The following TAS2R40 variants were observed in gnomAD, a reference collection of about 807,000 sequenced individuals.
TAS2R40 encodes taste receptor type 2 member 40.
TAS2R40 carries 14 observed loss-of-function variants against 16.5 expected under a neutral mutation model. The ratio of observed to expected loss-of-function variants is 0.85; its 90% confidence interval spans 0.56 to 1.32. The LOEUF is 1.32. Among genes scored for constraint, TAS2R40 ranks in the 40% most tolerant of loss-of-function variants. TAS2R40 has a pLI of 0.00. For synonymous variants in TAS2R40, 152 were observed against 150.2 expected, an observed-to-expected ratio of 1.01 and a Z score of -0.09; for missense variants, 350 against 385.9, an observed-to-expected ratio of 0.91 and a Z score of 0.78.
At position 143,222,978 on chromosome 7, in the gene TAS2R40, C is replaced by A. The variant is rs751095334; in HGVS notation, c.900C>A (p.Asn300Lys). The change falls in exon 1 of 1, where the codon AAC becomes AAA. Residue 300 changes from asparagine to lysine, a missense_variant. Physicochemically the swap from Asn to Lys is moderately conservative, Grantham distance 94. Transcript: ENST00000408947. ...ACTCAGTACAACTGATCTTGGGCAA[C>A]CCTGGGCTGAGAAGAGCCTGGAAGC... ...AGHSVQLILG[N>K]PGLRRAWKRF... The A allele has an allele frequency of 1.9e-6, 3 of 1,614,146 alleles. No individual in the cohort carries two copies. Among genetic ancestry groups the A allele is most frequent in the South Asian group, 1.1e-5 (1 of 91,078 alleles).
Position 143,222,779 on chromosome 7 carries a change from C to T in TAS2R40, c.701C>T (p.Ser234Phe). 4 of 1,614,192 alleles carry T rather than the reference C, an allele frequency of 2.5e-6. No homozygotes were observed. Among genetic ancestry groups the T allele is most frequent in the Non-Finnish European group, 3.4e-6 (4 of 1,180,036 alleles). ...CACATGGGAAGCAATGCCACAGGGT[C>T]CAGGGACCCCAGCATGAAGGCTCAC... ...TLHMGSNATG[S>F]RDPSMKAHIG... The change falls in exon 1 of 1, where the codon TCC becomes TTC. Residue 234 changes from serine (S) to phenylalanine (F), a missense_variant. Physicochemically the swap from Ser to Phe is radical, Grantham distance 155. Coordinates refer to ENST00000408947, the MANE Select transcript of TAS2R40 (RefSeq NM_176882.2).
chr7:143,223,075 A>T lies in TAS2R40; in HGVS notation c.*25A>T. The stretch of plus-strand genomic sequence containing the variant: ...ACTGGAACTCACGGAGTTCTGCGGG[A>T]CCTGGTCCAACCACTTCTGCCTTTG... On this transcript the variant is annotated 3_prime_UTR_variant, in exon 1 of 1. Coordinates refer to ENST00000408947, the MANE Select transcript of TAS2R40 (RefSeq NM_176882.2). The T allele has an allele frequency of 6.4e-7, 1 of 1,565,130 alleles. No homozygotes were observed. The highest frequency in any genetic ancestry group is 8.6e-7 in the Non-Finnish European group (1 of 1,156,548).
Position 143,223,077 on chromosome 7 carries a change from C to T in TAS2R40, c.*27C>T, listed in dbSNP as rs1325787719. 12 of 1,565,066 alleles carry T rather than the reference C, an allele frequency of 7.7e-6. No individual in the cohort carries two copies. Among genetic ancestry groups the T allele is most frequent in the Middle Eastern group, 1.7e-4 (1 of 5,800 alleles). ...TGGAACTCACGGAGTTCTGCGGGAC[C>T]TGGTCCAACCACTTCTGCCTTTGCC... On this transcript the variant is annotated 3_prime_UTR_variant, in exon 1 of 1. Coordinates refer to ENST00000408947, the MANE Select transcript of TAS2R40 (RefSeq NM_176882.2).
Position 143,222,434 on chromosome 7 carries a change from A to C in TAS2R40, c.356A>C (p.Tyr119Ser), listed in dbSNP as rs760898826. 20 of 1,614,140 alleles carry C rather than the reference A, an allele frequency of 1.2e-5. No homozygotes were observed. The highest frequency in any genetic ancestry group is 1.6e-5 in the Non-Finnish European group (19 of 1,180,024). ...TTTGCTGCCTGGCTCAAAGTCTTCT[A>C]TTGTCTTAGAATTGCAAACTTCAAT... is the stretch of plus-strand genomic sequence containing the variant. ...LWFAAWLKVF[Y>S]CLRIANFNHP... is the part of the protein sequence containing the mutation. The change falls in exon 1 of 1, where the codon TAT (tyrosine) becomes TCT (serine). Residue 119 changes from tyrosine to serine, a missense_variant. By Grantham distance (144) the Tyr-to-Ser change is moderately radical. Coordinates refer to ENST00000408947, the MANE Select transcript of TAS2R40 (RefSeq NM_176882.2).
At position 143,222,262 on chromosome 7, in the gene TAS2R40, A is replaced by C; in HGVS notation, c.184A>C (p.Met62Leu). The C allele has an allele frequency of 6.2e-7, 1 of 1,614,180 alleles. No individual in the cohort carries two copies. Among genetic ancestry groups the C allele is most frequent in the Non-Finnish European group, 8.5e-7 (1 of 1,180,024 alleles). Residue 62 changes from methionine (M) to leucine (L), a missense_variant, in exon 1 of 1, where the codon ATG (methionine) becomes CTG (leucine). Coordinates refer to ENST00000408947, the MANE Select transcript of TAS2R40 (RefSeq NM_176882.2). ...CCCCACTGGTGACCGCATTATGTTG[A>C]TGCTGAGCTTTTCCAGGCTCTTGCT... is the stretch of plus-strand genomic sequence containing the variant. ...TLPTGDRIML[M>L]LSFSRLLLQI...
Position 143,223,039 on chromosome 7 carries a change from C to T in TAS2R40, c.961C>T (p.Gln321Ter). The T allele has an allele frequency of 2.5e-6, 4 of 1,604,130 alleles. No individual in the cohort carries two copies. In the South Asian group the frequency reaches 4.5e-5, roughly 18 times the overall value. Residue 321 changes from glutamine to a stop codon, truncating the protein, a stop_gained, in exon 1 of 1, where the codon CAG (glutamine) becomes TAG (stop). Transcript: ENST00000408947. LOFTEE classifies it high-confidence loss of function. Reference protein sequence around the residue: ...QHQVPLYLKGQTL With the variant: ...QHQVPLYLKG The stretch of plus-strand genomic sequence containing the variant: ...CCAAGTTCCTCTTTACCTAAAAGGG[C>T]AGACTCTGTGACTGGAACTCACGGA...
rs1344786302 is a variant in TAS2R40, at chr7:143,222,603, C to T, written c.525C>T (p.Ile175=). 3 of 1,614,116 alleles carry T rather than the reference C, an allele frequency of 1.9e-6. No homozygotes were observed. Among genetic ancestry groups the T allele is most frequent in the Non-Finnish European group, 2.5e-6 (3 of 1,180,020 alleles). The stretch of plus-strand genomic sequence containing the variant: ...TGTATGTGAATAGCTCCATTCCTAT[C>T]CCCTCCTCCAACTCCACGGAGAAGA... The part of the protein sequence containing the change: ...FNVYVNSSIP[I]PSSNSTEKKY... Residue 175 remains isoleucine (I), a synonymous_variant, in exon 1 of 1, where the codon ATC becomes ATT. Transcript: ENST00000408947.
In TAS2R40 at chr7:143,222,198, G is replaced by A. The variant is rs762449538; in HGVS notation, c.120G>A (p.Thr40=). The A allele has an allele frequency of 2.0e-5, 33 of 1,614,152 alleles. No individual in the cohort carries two copies. The East Asian group carries it at 2.7e-4, about 13-fold the overall frequency. Residue 40 remains threonine (T), a synonymous_variant, in exon 1 of 1, where the codon ACG becomes ACA. Coordinates refer to ENST00000408947, the MANE Select transcript of TAS2R40 (RefSeq NM_176882.2). The part of the protein sequence containing the change: ...ITGILGSGFI[T]AIYGAEWARG... Reference sequence around the variant, plus strand: ...GCATCCTTGGGAGTGGCTTCATCACGGCCATCTATGGGGCTGAGTGGGCCA... The same window carrying A: ...GCATCCTTGGGAGTGGCTTCATCACAGCCATCTATGGGGCTGAGTGGGCCA...
In TAS2R40 at chr7:143,222,642, G is replaced by A. The variant is rs1800249884; in HGVS notation, c.564G>A (p.Glu188=). The A allele has an allele frequency of 6.2e-7, 1 of 1,614,082 alleles. No individual in the cohort carries two copies. The highest frequency in any genetic ancestry group is 8.5e-7 in the Non-Finnish European group (1 of 1,180,000). ...CCACGGAGAAGAAGTACTTCTCTGAGACCAATATGGTCAACCTGGTATTTT... is the reference window on the plus strand; with the variant it reads ...CCACGGAGAAGAAGTACTTCTCTGAAACCAATATGGTCAACCTGGTATTTT... ...SNSTEKKYFS[E]TNMVNLVFFY... Residue 188 remains glutamate (E), a synonymous_variant, in exon 1 of 1, where the codon GAG becomes GAA. Transcript: ENST00000408947.
Position 143,222,876 on chromosome 7 carries a change from C to T in TAS2R40, c.798C>T (p.Ser266=), listed in dbSNP as rs758507415. The part of the protein sequence containing the change: ...YIFNAIALFL[S]TSNIFDTYSS... ...TCAATGCAATTGCTCTATTTCTTTC[C>T]ACGTCCAACATCTTTGACACTTACA... The change falls in exon 1 of 1, where the codon TCC becomes TCT. Residue 266 remains serine, a synonymous_variant. Coordinates refer to ENST00000408947, the MANE Select transcript of TAS2R40 (RefSeq NM_176882.2). 19 of 1,614,102 alleles carry T rather than the reference C, an allele frequency of 1.2e-5. No individual in the cohort carries two copies. Among genetic ancestry groups the T allele is most frequent in the Non-Finnish European group, 1.6e-5 (19 of 1,180,060 alleles).
In TAS2R40 at chr7:143,222,528, G is replaced by A; in HGVS notation, c.450G>A (p.Val150=). The change falls in exon 1 of 1, where the codon GTG becomes GTA. Residue 150 remains valine, a synonymous_variant. Coordinates refer to ENST00000408947, the MANE Select transcript of TAS2R40 (RefSeq NM_176882.2). ...TGCCTTGGCTTCTCAGGCTGTCAGT[G>A]TTGGTTTCCTTAAGCTTCAGCTTTC... ...VLMPWLLRLS[V]LVSLSFSFPL... The A allele has an allele frequency of 6.2e-7, 1 of 1,614,170 alleles. No individual in the cohort carries two copies. The highest frequency in any genetic ancestry group is 8.5e-7 in the Non-Finnish European group (1 of 1,180,032).
rs866076173 is a variant in TAS2R40, at chr7:143,222,994, G to T, written c.916G>T (p.Ala306Ser). 5.6e-6 allele frequency: 9 copies of T among 1,613,644 alleles called. No individual in the cohort carries two copies. The highest frequency in any genetic ancestry group is 1.7e-5 in the Admixed American group (1 of 59,900). The change falls in exon 1 of 1, where the codon GCC (alanine) becomes TCC (serine). Residue 306 changes from alanine to serine, a missense_variant. Ala to Ser is a moderately conservative substitution (Grantham distance 99, BLOSUM62 1). Coordinates refer to ENST00000408947, the MANE Select transcript of TAS2R40 (RefSeq NM_176882.2). ...LILGNPGLRRAWKRFQHQVPL... is the reference protein window; with the variant it reads ...LILGNPGLRRSWKRFQHQVPL... ...CTTGGGCAACCCTGGGCTGAGAAGA[G>T]CCTGGAAGCGGTTTCAGCACCAAGT... is the stretch of plus-strand genomic sequence containing the variant.
Position 143,223,038 on chromosome 7 carries a change from G to T in TAS2R40, c.960G>T (p.Gly320=). Residue 320 remains glycine, a synonymous_variant, in exon 1 of 1, where the codon GGG becomes GGT. Coordinates refer to ENST00000408947, the MANE Select transcript of TAS2R40 (RefSeq NM_176882.2). ...ACCAAGTTCCTCTTTACCTAAAAGG[G>T]CAGACTCTGTGACTGGAACTCACGG... ...FQHQVPLYLK[G]QTL is the part of the protein sequence containing the mutation. The T allele has an allele frequency of 6.2e-7, 1 of 1,604,624 alleles. No homozygotes were observed. Among genetic ancestry groups the T allele is most frequent in the Non-Finnish European group, 8.5e-7 (1 of 1,174,834 alleles).
At position 143,222,696 on chromosome 7, in the gene TAS2R40, G is replaced by C. The variant is rs775466420; in HGVS notation, c.618G>C (p.Leu206=). ...FFYNMGIFVP[L]IMFILAATLL... is the part of the protein sequence containing the mutation. Reference sequence around the variant, plus strand: ...ATAACATGGGGATCTTCGTTCCTCTGATCATGTTCATCCTGGCAGCCACCC... The same window carrying C: ...ATAACATGGGGATCTTCGTTCCTCTCATCATGTTCATCCTGGCAGCCACCC... The change falls in exon 1 of 1, where the codon CTG becomes CTC. Residue 206 remains leucine, a synonymous_variant. Transcript: ENST00000408947. 1.9e-6 allele frequency: 3 copies of C among 1,614,072 alleles called. No homozygotes were observed. The highest frequency in any genetic ancestry group is 1.7e-6 in the Non-Finnish European group (2 of 1,180,016).
At position 143,222,180 on chromosome 7, in the gene TAS2R40, T is replaced by C; in HGVS notation, c.102T>C (p.Leu34=). 1 of 1,614,118 alleles carries C rather than the reference T, an allele frequency of 6.2e-7. No homozygotes were observed. ...GAATAGAGTGCATCACTGGCATCCT[T>C]GGGAGTGGCTTCATCACGGCCATCT... is the stretch of plus-strand genomic sequence containing the variant. ...VSGIECITGI[L]GSGFITAIYG... is the part of the protein sequence containing the mutation. The change falls in exon 1 of 1, where the codon CTT becomes CTC. Residue 34 remains leucine, a synonymous_variant. Transcript: ENST00000408947.
rs1228653290 is a variant in TAS2R40, at chr7:143,222,506, C to G, written c.428C>G (p.Pro143Arg). 1 of 1,614,050 alleles carries G rather than the reference C, an allele frequency of 6.2e-7. No individual in the cohort carries two copies. Among genetic ancestry groups the G allele is most frequent in the African/African-American group, 1.3e-5 (1 of 74,924 alleles). Residue 143 changes from proline to arginine, a missense_variant, in exon 1 of 1, where the codon CCT becomes CGT. Physicochemically the swap from Pro to Arg is moderately radical, Grantham distance 103. Transcript: ENST00000408947. ...AAGAGGAAAATCATAGTGCTGATGC[C>G]TTGGCTTCTCAGGCTGTCAGTGTTG... The part of the protein sequence containing the change: ...LMKRKIIVLM[P>R]WLLRLSVLVS...
rs765224218 is a variant in TAS2R40, at chr7:143,222,590, G to T, written c.512G>T (p.Ser171Ile). The T allele has an allele frequency of 1.3e-5, 21 of 1,614,024 alleles. No individual in the cohort carries two copies. The highest frequency in any genetic ancestry group is 1.8e-5 in the Non-Finnish European group (21 of 1,180,040). ...GATGTCTTCAATGTGTATGTGAATA[G>T]CTCCATTCCTATCCCCTCCTCCAAC... ...SRDVFNVYVN[S>I]SIPIPSSNST... Residue 171 changes from serine (S) to isoleucine (I), a missense_variant, in exon 1 of 1, where the codon AGC (serine) becomes ATC (isoleucine). By Grantham distance (142) the Ser-to-Ile change is moderately radical. Transcript: ENST00000408947.
rs1341557489 is a variant in TAS2R40, at chr7:143,222,900, C to T, written c.822C>T (p.Tyr274=). The change falls in exon 1 of 1, where the codon TAC becomes TAT. Residue 274 remains tyrosine, a synonymous_variant. Transcript: ENST00000408947. ...CCACGTCCAACATCTTTGACACTTA[C>T]AGTTCCTGGAATATTTTGTGCAAGA... ...FLSTSNIFDT[Y]SSWNILCKII... is the part of the protein sequence containing the mutation. 1 of 1,614,208 alleles carries T rather than the reference C, an allele frequency of 6.2e-7. No homozygotes were observed. The highest frequency in any genetic ancestry group is 1.7e-5 in the Admixed American group (1 of 60,028).
At position 143,223,071 on chromosome 7, in the gene TAS2R40, C is replaced by A; in HGVS notation, c.*21C>A. The A allele has an allele frequency of 1.9e-6, 3 of 1,576,100 alleles. No homozygotes were observed. Among genetic ancestry groups the A allele is most frequent in the Non-Finnish European group, 2.6e-6 (3 of 1,161,122 alleles). The stretch of plus-strand genomic sequence containing the variant: ...TGTGACTGGAACTCACGGAGTTCTG[C>A]GGGACCTGGTCCAACCACTTCTGCC... On this transcript the variant is annotated 3_prime_UTR_variant, in exon 1 of 1. Coordinates refer to ENST00000408947, the MANE Select transcript of TAS2R40 (RefSeq NM_176882.2).
Sources: allele counts gnomAD v4.1 joint callset, GRCh38; gene constraint gnomAD v4.1.1; transcripts MANE v1.5; gene names NCBI Gene and HGNC (gene_info 2026-07-23, HGNC 2026-07-21).